Variants in ALPK2 observed in about 807,000 individuals in gnomAD.
ALPK2 encodes the protein alpha kinase 2, also known as alpha-protein kinase 2.
A neutral mutation model predicts 163.1 loss-of-function variants in ALPK2; 127 were observed. The observed-to-expected ratio is 0.78, with a 90% CI of 0.67 to 0.90. ALPK2 has a LOEUF of 0.90. ALPK2 is among the 40% of genes least tolerant of loss of function. The pLI is 0.00. For missense variants in ALPK2, 2,360 were observed against 2,589.6 expected (o/e 0.91, Z 1.92); for synonymous variants, 953 against 959.1 (o/e 0.99, Z 0.12).
Position 58,571,822 on chromosome 18 carries a change from A to C in ALPK2, c.1962+6992T>G, listed in dbSNP as rs2051887221. Among the ~76,000 whole-genome samples the C allele has an allele frequency of 2.0e-5, 3 of 152,066 alleles. No homozygotes were observed. The South Asian group carries it at 6.2e-4, about 32-fold the overall frequency. ...GAAACCCCGTCTCTACTAAAAATCC[A>C]AAAATTAGCCAGGTGTGGTGGCAGG... On this transcript the variant is annotated intron_variant, in intron 4 of 12. Coordinates refer to ENST00000361673, the MANE Select transcript of ALPK2 (RefSeq NM_052947.4).
At chr18:58,502,191 A>G (rs796476844) in intron 11 of ALPK2, among the ~76,000 whole-genome samples, 1 of 150,636 alleles carries the variant, frequency 6.6e-6, no homozygotes, top group South Asian at 2.1e-4. Flanking sequence ...AAGAAAAAAA[A>G]AAGGAAAGAA....
chr18:58,557,095 C>G (rs531014600), intron 4 of ALPK2: 1 of 152,262 alleles, frequency 6.6e-6, no homozygotes, highest in Admixed American at 6.5e-5. Context: ...CAGTGGAGAC[C>G]GTCCAATGAG....
At chr18:58,620,561 G>C (rs1271531497) in intron 1 of ALPK2, among the ~76,000 whole-genome samples, 1 of 152,172 alleles carries the variant, frequency 6.6e-6, no homozygotes, top group Non-Finnish European at 1.5e-5. Flanking sequence ...TTCTGGAGGT[G>C]ATGGCAATCT....
chr18:58,529,470 G>A (rs2051601132), intron 5 of ALPK2, among the ~76,000 whole-genome samples: 1 of 152,232 alleles, frequency 6.6e-6, no homozygotes, highest in South Asian at 2.1e-4. Flanking sequence ...GGTGCAGCCT[G>A]TAATGCTTAA....
chr18:58,522,373 C>T lies in ALPK2; in HGVS notation c.5665+1433G>A, dbSNP rs190047395. 3.3e-3 allele frequency among the ~76,000 whole-genome samples: 505 copies of T among 152,282 alleles called. 2 individuals carry two copies. The highest frequency in any genetic ancestry group is 0.011 in the African/African-American group (476 of 41,552). On this transcript the variant is annotated intron_variant, in intron 8 of 12. Transcript: ENST00000361673. ...ATGTTGTTAAATATTTACCCCAGCA[C>T]ACCACCAGGCAAGGGTGGGCATGGG...
chr18:58,601,999 C>G (rs1025480754), intron 3 of ALPK2, among the ~76,000 whole-genome samples: 2 of 152,170 alleles, frequency 1.3e-5, no homozygotes, highest in Non-Finnish European at 2.9e-5. Context: ...CACCCCACCC[C>G]CTCCTGTCAG....
intron 1 of ALPK2, among the ~76,000 whole-genome samples, chr18:58,624,468 T>C (rs75915282): frequency 6.6e-6 from 1 of 152,038 alleles, no homozygotes; most frequent in Non-Finnish European, 1.5e-5. Context: ...TTTTTTTTCT[T>C]TTTGAGACAG....
intron 12 of ALPK2, among the ~76,000 whole-genome samples, chr18:58,491,812 G>A (rs1027123895): frequency 5.9e-5 from 9 of 152,236 alleles, no homozygotes; most frequent in African/African-American, 1.9e-4. Context: ...CTTGTGGGGC[G>A]GTTACAGGAG....
intron 11 of ALPK2, among the ~76,000 whole-genome samples, chr18:58,498,429 A>G (rs1427774628): frequency 6.6e-6 from 1 of 152,148 alleles, no homozygotes; most frequent in Non-Finnish European, 1.5e-5. Context: ...CTTGTCCCGT[A>G]AGCAATCTCC....
At chr18:58,564,757 G>A (rs1408235459) in intron 4 of ALPK2, among the ~76,000 whole-genome samples, 4 of 152,026 alleles carry the variant, frequency 2.6e-5, no homozygotes, top group Non-Finnish European at 4.4e-5. Context: ...GAGAGGAAAG[G>A]AAATTACCCA....
Position 58,538,244 on chromosome 18 carries a change from T to C in ALPK2, c.1963-20A>G, listed in dbSNP as rs2051668063. The C allele has an allele frequency of 6.3e-7, 1 of 1,595,696 alleles. No homozygotes were observed. Among genetic ancestry groups the C allele is most frequent in the Non-Finnish European group, 8.5e-7 (1 of 1,174,868 alleles). On this transcript the variant is annotated intron_variant, in intron 4 of 12. Coordinates refer to ENST00000361673, the MANE Select transcript of ALPK2 (RefSeq NM_052947.4). ...TTGTACCTAGGAAGATGAAAAGTGA[T>C]ATTAGTAGAATTGTTCATGGGAGAG... is the stretch of plus-strand genomic sequence containing the variant.
chr18:58,596,117 A>T (rs1444076602), intron 3 of ALPK2, among the ~76,000 whole-genome samples: 1 of 152,200 alleles, frequency 6.6e-6, no homozygotes, highest in Non-Finnish European at 1.5e-5. Flanking sequence ...TTTCCTTCTT[A>T]AAAAATGAAT....
intron 3 of ALPK2, among the ~76,000 whole-genome samples, chr18:58,583,737 C>CAA (rs576126970): frequency 8.4e-4 from 100 of 119,582 alleles, no homozygotes; most frequent in African/African-American, 2.6e-3. Context: ...GACTTTGTCT[C>CAA]AAAAAAAAAA....
intron 11 of ALPK2, among the ~76,000 whole-genome samples, chr18:58,503,527 A>C (rs530682206): frequency 4.6e-4 from 70 of 152,224 alleles, no homozygotes; most frequent in African/African-American, 1.5e-3. Flanking sequence ...CGCTGTCTCT[A>C]CAAAAAAAAA....
At chr18:58,610,156 C>T (rs2052120503) in intron 2 of ALPK2, among the ~76,000 whole-genome samples, 1 of 151,790 alleles carries the variant, frequency 6.6e-6, no homozygotes, top group African/African-American at 2.4e-5. Context: ...CATCTGGAAT[C>T]CCAGCCACTT....
chr18:58,613,283 G>T (rs2052144026), intron 1 of ALPK2, among the ~76,000 whole-genome samples: 1 of 152,194 alleles, frequency 6.6e-6, no homozygotes, highest in Non-Finnish European at 1.5e-5. Context: ...GAGGAGCCTT[G>T]CTGTAGTAGC....
intron 4 of ALPK2, among the ~76,000 whole-genome samples, chr18:58,570,351 C>A (rs1194837149): frequency 6.6e-6 from 1 of 152,326 alleles, no homozygotes; most frequent in Non-Finnish European, 1.5e-5. Flanking sequence ...GCCCTAAAAA[C>A]ATTTACTAGA....
chr18:58,592,674 G>A (rs2052020298), intron 3 of ALPK2, among the ~76,000 whole-genome samples: 1 of 152,150 alleles, frequency 6.6e-6, no homozygotes, highest in Non-Finnish European at 1.5e-5. Flanking sequence ...TGAACTGCAG[G>A]GGAAAGTTTA....
chr18:58,558,387 A>T (rs1305494222), intron 4 of ALPK2, among the ~76,000 whole-genome samples: 1 of 152,248 alleles, frequency 6.6e-6, no homozygotes, highest in African/African-American at 2.4e-5. Flanking sequence ...ATATATTATT[A>T]AAGTTCACTT....
Sources: allele counts gnomAD v4.1 joint callset (sites outside exome capture counted in the v4.1 genomes callset), GRCh38; gene constraint gnomAD v4.1.1; transcripts MANE v1.5; gene names NCBI Gene and HGNC (gene_info 2026-07-23, HGNC 2026-07-21).